TNS1: variants seen among roughly 807,000 people sequenced by gnomAD.
The protein encoded by TNS1 is tensin 1.
A neutral mutation model predicts 168.6 loss-of-function variants in TNS1; 62 were observed. That is an observed-to-expected ratio of 0.37 (90% CI 0.30 to 0.45). The LOEUF (loss-of-function observed/expected upper bound fraction) is 0.45. TNS1 is among the 20% of genes least tolerant of loss of function. The pLI, the probability that TNS1 is intolerant of heterozygous loss-of-function variation, is 1.00. For synonymous variants in TNS1, 934 were observed against 933.2 expected (o/e 1.00, Z -0.02); for missense variants, 2,240 against 2,339.4 (o/e 0.96, Z 0.88).
At chr2:217,883,556 T>G (rs1398002615) in intron 16 of TNS1, among the ~76,000 whole-genome samples, 1 of 152,222 alleles carries the variant, frequency 6.6e-6, no homozygotes, top group Non-Finnish European at 1.5e-5. Flanking sequence ...TGAGCCACCG[T>G]GCCTGGCCAT....
intron 19 of TNS1, among the ~76,000 whole-genome samples, chr2:217,846,321 G>A (rs1193497989): frequency 1.3e-5 from 2 of 152,184 alleles, no homozygotes; most frequent in Non-Finnish European, 2.9e-5. Context: ...TATAGGAGCA[G>A]GGAGCCTGTG....
intron 19 of TNS1, among the ~76,000 whole-genome samples, chr2:217,838,386 A>G (rs1945460906): frequency 1.3e-5 from 2 of 152,182 alleles, no homozygotes; most frequent in African/African-American, 4.8e-5. Flanking sequence ...ATCCGTAGAG[A>G]ATGTGAGATC....
intron 6 of TNS1, chr2:217,905,257 C>T (rs1313826312): frequency 3.2e-6 from 1 of 314,854 alleles, no homozygotes; most frequent in Non-Finnish European, 6.4e-6. Flanking sequence ...GGCCCCTCCC[C>T]AGTATGAGTA....
At chr2:217,904,455 C>T (rs558953835) in intron 6 of TNS1, among the ~76,000 whole-genome samples, 229 of 152,290 alleles carry the variant, frequency 1.5e-3, no homozygotes, top group Non-Finnish European at 2.8e-3. Flanking sequence ...CAACCTGAGA[C>T]AGGTGACAGG....
At chr2:217,879,153 G>A (rs1179774523) in intron 18 of TNS1, 1 of 270,400 alleles carries the variant, frequency 3.7e-6, no homozygotes, top group African/African-American at 2.4e-5. Context: ...TACATCCTAA[G>A]CCCCGTCTTT....
chr2:217,879,143 T>A (rs1950459397), intron 18 of TNS1: 1 of 256,342 alleles, frequency 3.9e-6, no homozygotes, highest in Non-Finnish European at 7.7e-6. Flanking sequence ...CACAGCCAAA[T>A]ACATCCTAAG....
At chr2:217,971,187 C>T (rs1957766081) in intron 3 of TNS1, among the ~76,000 whole-genome samples, 1 of 152,182 alleles carries the variant, frequency 6.6e-6, no homozygotes, top group Admixed American at 6.5e-5. Flanking sequence ...AGATAGAGAA[C>T]AATTCCATCC....
chr2:217,810,765 C>T (rs1350452417), intron 28 of TNS1, among the ~76,000 whole-genome samples: 1 of 152,120 alleles, frequency 6.6e-6, no homozygotes, highest in Non-Finnish European at 1.5e-5. Flanking sequence ...AACCATTGAT[C>T]CAGCATAACT....
At chr2:218,029,739 G>A (rs994881179) in intron 1 of TNS1, among the ~76,000 whole-genome samples, 1 of 152,160 alleles carries the variant, frequency 6.6e-6, no homozygotes, top group Non-Finnish European at 1.5e-5. Flanking sequence ...TCGGGATTGC[G>A]CACTGCCCTC....
At chr2:217,895,832 C>T (rs1952234556) in intron 8 of TNS1, among the ~76,000 whole-genome samples, 1 of 152,152 alleles carries the variant, frequency 6.6e-6, no homozygotes, top group South Asian at 2.1e-4. Flanking sequence ...AACTCAAAGG[C>T]ACTGTGTCAT....
At chr2:217,846,679 G>T (rs1421495806) in intron 19 of TNS1, among the ~76,000 whole-genome samples, 2 of 152,234 alleles carry the variant, frequency 1.3e-5, no homozygotes, top group Non-Finnish European at 2.9e-5. Context: ...AGACCAGTGG[G>T]AAGGGAACCT....
At chr2:217,893,137 C>T (rs1271423217) in intron 10 of TNS1, 125 bp from the exon 11 acceptor site, 7 of 1,242,850 alleles carry the variant, frequency 5.6e-6, no homozygotes, top group Middle Eastern at 2.0e-4. Flanking sequence ...TAAGGGAGAA[C>T]ATAAGGAGGA....
chr2:217,977,880 A>G (rs1465942475), intron 3 of TNS1, among the ~76,000 whole-genome samples: 3 of 152,192 alleles, frequency 2.0e-5, no homozygotes, highest in Non-Finnish European at 4.4e-5. Flanking sequence ...GTGAAAGGGC[A>G]GGGAGGGTTA....
chr2:217,839,864 C>T (rs930096736), intron 19 of TNS1, among the ~76,000 whole-genome samples: 5 of 152,192 alleles, frequency 3.3e-5, no homozygotes, highest in African/African-American at 4.8e-5. Context: ...CGAGGGGATC[C>T]GGGAGGCCAC....
intron 3 of TNS1, among the ~76,000 whole-genome samples, chr2:217,929,373 G>T (rs1956195762): frequency 1.3e-5 from 2 of 152,204 alleles, no homozygotes; most frequent in Non-Finnish European, 1.5e-5. Context: ...ATGTGCTGAT[G>T]AGCAGGGGGG....
chr2:217,949,195 TCTC>T (rs2125971756), intron 3 of TNS1, among the ~76,000 whole-genome samples: 1 of 152,280 alleles, frequency 6.6e-6, no homozygotes, highest in South Asian at 2.1e-4. Flanking sequence ...TTGGATTCGA[TCTC>T]CTCATCTGAT....
At position 217,892,965 on chromosome 2, in the gene TNS1, G is replaced by A; in HGVS notation, c.765C>T (p.Tyr255=). The A allele has an allele frequency of 1.2e-6, 2 of 1,614,194 alleles. No homozygotes were observed. The highest frequency in any genetic ancestry group is 2.2e-5 in the East Asian group (1 of 44,882). Residue 255 remains tyrosine, a synonymous_variant, in exon 11 of 33, where the codon TAC becomes TAT. Transcript: ENST00000682258. ...IGVVIAAYMH[Y]SNISASADQA... is the part of the protein sequence containing the mutation. ...CCTCTTACCTGGCAGAAATGTTGCT[G>A]TAGTGCATGTAAGCCGCGATGACAA...
At chr2:217,849,130 A>G (rs927547146) in intron 18 of TNS1, 43 bp from the exon 19 acceptor site, 2 of 1,573,818 alleles carry the variant, frequency 1.3e-6, no homozygotes, top group Non-Finnish European at 1.7e-6. Context: ...GACAACAGAC[A>G]TTAGCGGGAG....
At chr2:217,808,505 A>G (rs1036330198) in intron 31 of TNS1, 98 bp downstream of exon 31, 3 of 1,111,432 alleles carry the variant, frequency 2.7e-6, no homozygotes, top group Non-Finnish European at 4.0e-6. Context: ...ATGTATGCAC[A>G]TGCACACACA....
Sources: allele counts gnomAD v4.1 joint callset (sites outside exome capture counted in the v4.1 genomes callset), GRCh38; gene constraint gnomAD v4.1.1; transcripts MANE v1.5; gene names NCBI Gene and HGNC (gene_info 2026-07-23, HGNC 2026-07-21).